Variants in SLC12A2 observed in about 807,000 individuals in gnomAD.
SLC12A2 encodes Na-K-2Cl cotransporter 1.
A neutral mutation model predicts 136.3 loss-of-function variants in SLC12A2; 67 were observed. The ratio of observed to expected loss-of-function variants is 0.49; its 90% CI spans 0.40 to 0.60. The LOEUF (loss-of-function observed/expected upper bound fraction) is 0.60. Ranked by LOEUF, SLC12A2 falls within the 20% of genes least tolerant of loss-of-function variation. The pLI is 0.00. For synonymous variants in SLC12A2, 619 were observed against 562.9 expected (o/e 1.10, Z -1.41); for missense variants, 1,322 against 1,534.7 (o/e 0.86, Z 2.32).
chr5:128,124,506 A>C (rs4836362), intron 4 of SLC12A2, among the ~76,000 whole-genome samples: 21,947 of 152,102 alleles, frequency 0.14, 1,844 homozygotes, highest in East Asian at 0.25. Flanking sequence ...TTAAGAAAAC[A>C]GCTTACTATC....
intron 4 of SLC12A2, among the ~76,000 whole-genome samples, chr5:128,121,627 G>T (rs1288356836): frequency 6.6e-6 from 1 of 151,952 alleles, no homozygotes; most frequent in African/African-American, 2.4e-5. Flanking sequence ...CGGCTGATTT[G>T]GGGTACTATT....
Position 128,167,844 on chromosome 5 carries a change from G to A in SLC12A2, c.2700G>A (p.Val900=), listed in dbSNP as rs751552568. The part of the protein sequence containing the change: ...KDWLQADMRD[V]DMYINLFHDA... ...GGTTGCAAGCAGATATGAGGGATGT[G>A]GATATGTATATAAACTTATTTCAGT... The change falls in exon 18 of 27, where the codon GTG becomes GTA. Residue 900 remains valine (V), a synonymous_variant. Transcript: ENST00000262461. The A allele has an allele frequency of 1.3e-6, 2 of 1,588,302 alleles. No individual in the cohort carries two copies. Among genetic ancestry groups the A allele is most frequent in the Non-Finnish European group, 1.7e-6 (2 of 1,162,046 alleles).
intron 1 of SLC12A2, chr5:128,110,374 C>A: frequency 1.0e-6 from 1 of 984,482 alleles, no homozygotes. Context: ...AACACGGGTC[C>A]TCCCTGGGAA....
At chr5:128,100,196 T>C (rs371494295) in intron 1 of SLC12A2, among the ~76,000 whole-genome samples, 4 of 152,264 alleles carry the variant, frequency 2.6e-5, no homozygotes, top group South Asian at 2.1e-4. Flanking sequence ...GGGACTATTG[T>C]ATATGCAGTT....
At chr5:128,136,046 A>G (rs1219175753) in intron 7 of SLC12A2, among the ~76,000 whole-genome samples, 1 of 152,172 alleles carries the variant, frequency 6.6e-6, no homozygotes, top group African/African-American at 2.4e-5. Context: ...TGGAGAAATC[A>G]GTGCTGCTAA....
At chr5:128,095,381 G>A (rs1476256755) in intron 1 of SLC12A2, among the ~76,000 whole-genome samples, 1 of 152,094 alleles carries the variant, frequency 6.6e-6, no homozygotes, top group African/African-American at 2.4e-5. Flanking sequence ...TTGTCTTCAA[G>A]ATAATACCTG....
At position 128,165,072 on chromosome 5, in the gene SLC12A2, G is replaced by T. The variant is rs1303767944; in HGVS notation, c.2617-2689G>T. ...TGCTCAGGCTGGTCTTGAACTCTGA[G>T]CTTGAACAATCCTCCTACCTCAGCC... On this transcript the variant is annotated intron_variant, in intron 17 of 26. Coordinates refer to ENST00000262461, the MANE Select transcript of SLC12A2 (RefSeq NM_001046.3). 2.0e-5 allele frequency among the ~76,000 whole-genome samples: 3 copies of T among 151,874 alleles called. No individual in the cohort carries two copies. The East Asian group carries it at 5.8e-4, about 29-fold the overall frequency.
chr5:128,126,888 C>T (rs1761813160), intron 4 of SLC12A2, among the ~76,000 whole-genome samples: 1 of 137,190 alleles, frequency 7.3e-6, no homozygotes, highest in Non-Finnish European at 1.5e-5. Flanking sequence ...GATTCTCCTG[C>T]ATCTGTTGAA....
chr5:128,158,252 C>T (rs985301793), intron 16 of SLC12A2, 88 bp downstream of exon 16: 6 of 935,510 alleles, frequency 6.4e-6, no homozygotes, highest in Non-Finnish European at 9.7e-6. Flanking sequence ...TGTTATGTAG[C>T]TAAATTGTGT....
At chr5:128,153,273 G>A (rs1240721938) in intron 15 of SLC12A2, among the ~76,000 whole-genome samples, 1 of 151,804 alleles carries the variant, frequency 6.6e-6, no homozygotes, top group Non-Finnish European at 1.5e-5. Context: ...TATCTTTTTT[G>A]GCTGGGCACG....
chr5:128,128,889 T>TA (rs1472525207), intron 4 of SLC12A2, among the ~76,000 whole-genome samples: 1 of 151,658 alleles, frequency 6.6e-6, no homozygotes, highest in Non-Finnish European at 1.5e-5. Flanking sequence ...TAAGAAGTAA[T>TA]AGATGATGTG....
At chr5:128,099,179 A>G (rs1760654429) in intron 1 of SLC12A2, among the ~76,000 whole-genome samples, 1 of 152,186 alleles carries the variant, frequency 6.6e-6, no homozygotes, top group South Asian at 2.1e-4. Context: ...GCATAATGAT[A>G]CAAACCTAGA....
chr5:128,111,628 G>T (rs1761146732), intron 1 of SLC12A2, among the ~76,000 whole-genome samples: 1 of 151,936 alleles, frequency 6.6e-6, no homozygotes, highest in South Asian at 2.1e-4. Flanking sequence ...AGCCGGGCTT[G>T]GTGGTGGGCG....
chr5:128,170,254 C>T (rs776553622), intron 18 of SLC12A2: 14 of 152,116 alleles, frequency 9.2e-5, no homozygotes, highest in Non-Finnish European at 2.1e-4. Flanking sequence ...ATTTATTAAA[C>T]AATTTTTAAA....
chr5:128,141,761 T>C, intron 9 of SLC12A2, 69 bp from the exon 10 acceptor site: 1 of 1,308,906 alleles, frequency 7.6e-7, no homozygotes, highest in Non-Finnish European at 1.0e-6. Flanking sequence ...TAAATATATA[T>C]ATGTATATAA....
intron 17 of SLC12A2, among the ~76,000 whole-genome samples, chr5:128,162,719 T>C (rs952708805): frequency 1.3e-5 from 2 of 151,922 alleles, no homozygotes; most frequent in East Asian, 1.9e-4. Context: ...GCGAAAGATA[T>C]GAACAGAGAG....
intron 1 of SLC12A2, among the ~76,000 whole-genome samples, chr5:128,097,205 A>G (rs991666971): frequency 3.6e-4 from 17 of 47,072 alleles, no homozygotes; most frequent in African/African-American, 3.2e-3. Flanking sequence ...CATGAGGAAG[A>G]GAAAGTAATA....
rs773078373 is a variant in SLC12A2 at position 128,084,303 on chromosome 5, C to G, written c.349C>G (p.Pro117Ala). The G allele has an allele frequency of 6.6e-7, 1 of 1,513,676 alleles. No individual in the cohort carries two copies. 93.8% of individuals were successfully genotyped at this position (1,513,676 alleles called of 1,614,324 possible). The change falls in exon 1 of 27, where the codon CCC becomes GCC. Residue 117 changes from proline to alanine, a missense_variant. Physicochemically the swap from Pro to Ala is conservative, Grantham distance 27. Around this residue, in one of 8 missense-constraint regions of SLC12A2, gnomAD observed 358 missense variants for 299.7 expected, o/e 1.19. Transcript: ENST00000262461. This position sits in a 1 kb window ranked among gnomAD's most constrained non-coding sequence, Gnocchi z 5.6. ...TGCTGGGGCGGGGGCCAAGCAGACC[C>G]CCGCGGACGGGGAAGCCAGCGGCGA... ...AGAGAGAKQTPADGEASGESE... is the reference protein window; with the variant it reads ...AGAGAGAKQTAADGEASGESE...
At chr5:128,104,674 TATA>T (rs1295641576) in intron 1 of SLC12A2, among the ~76,000 whole-genome samples, 4 of 73,724 alleles carry the variant, frequency 5.4e-5, no homozygotes, top group African/African-American at 4.1e-4. Context: ...TATATAGATA[TATA>T]GATATAGATA....
Sources: gnomAD v4.1 joint callset for allele counts (sites outside exome capture counted in the v4.1 genomes callset) on GRCh38, gnomAD v4.1.1 for gene constraint, gnomAD v4.1.1 regional missense constraint, Gnocchi (gnomAD v3.1) non-coding constraint, MANE v1.5 for transcripts, NCBI Gene and HGNC (gene_info 2026-07-23, HGNC 2026-07-21) for gene names.